The following ITGA11 variants were observed in gnomAD, a reference collection of about 807,000 sequenced individuals.
The protein encoded by ITGA11 is integrin subunit alpha 11, also known as integrin alpha-11.
A neutral mutation model predicts 141.9 loss-of-function variants in ITGA11; 97 were observed. The observed-to-expected ratio is 0.68, with a 90% CI of 0.58 to 0.81. The LOEUF (loss-of-function observed/expected upper bound fraction) is 0.81. Among genes scored for constraint, ITGA11 ranks in the 30% least tolerant of loss-of-function variants. The pLI is 0.00. For missense variants in ITGA11, 1,387 were observed against 1,559.2 expected, an observed-to-expected ratio of 0.89 and a Z score of 1.86; for synonymous variants, 658 against 624.6, an observed-to-expected ratio of 1.05 and a Z score of -0.80.
intron 1 of ITGA11, among the ~76,000 whole-genome samples, chr15:68,411,737 A>C (rs1014838842): frequency 2.0e-5 from 3 of 152,172 alleles, no homozygotes; most frequent in African/African-American, 7.2e-5. Context: ...CCTCTAAAAG[A>C]GGAGAGTATA....
rs199936849 is a variant in ITGA11 at position 68,313,738 on chromosome 15, C to T, written c.2882+41G>A. On this transcript the variant is annotated intron_variant, in intron 23 of 29. Transcript: ENST00000315757. The stretch of plus-strand genomic sequence containing the variant: ...CCTTAGGCCTCCCTCCTCCCATTCC[C>T]CATGCCTTCCCTCTCCTGGGGCCCC... 1.4e-3 allele frequency: 2,115 copies of T among 1,518,216 alleles called. 1 individual carries two copies. Among genetic ancestry groups the T allele is most frequent in the Non-Finnish European group, 1.8e-3 (2,017 of 1,098,040 alleles). 94.0% of individuals were successfully genotyped at this position (1,518,216 alleles called of 1,614,324 possible).
At position 68,420,091 on chromosome 15, in the gene ITGA11, TC is replaced by T. The variant is rs551112494; in HGVS notation, c.52+11923del. Among the ~76,000 whole-genome samples the T allele has an allele frequency of 4.6e-5, 7 of 152,228 alleles. No individual in the cohort carries two copies. The East Asian group carries it at 1.4e-3, about 29-fold the overall frequency. On this transcript the variant is annotated intron_variant, in intron 1 of 29. Transcript: ENST00000315757. ...CCAGGGATTGGACTGTAATCTGGGG[TC>T]TATGTTCAGCTCCCACCATCTTTTC...
intron 10 of ITGA11, chr15:68,340,909 C>T (rs1229319104): frequency 6.6e-6 from 1 of 152,256 alleles, no homozygotes; most frequent in African/African-American, 2.4e-5. Context: ...TCTGGGTTAC[C>T]TTGGTGATTA....
intron 26 of ITGA11, among the ~76,000 whole-genome samples, chr15:68,309,246 A>G (rs544043981): frequency 2.0e-5 from 3 of 152,350 alleles, no homozygotes; most frequent in African/African-American, 7.2e-5. Context: ...CGGAATGCTC[A>G]GAACATTTTG....
At chr15:68,387,919 G>A (rs7176173) in intron 2 of ITGA11, among the ~76,000 whole-genome samples, 109,161 of 151,864 alleles carry the variant, frequency 0.72, 40,764 homozygotes, top group East Asian at 0.89. Context: ...TCTGCAGTCT[G>A]TCGTTCATCC....
chr15:68,383,105 A>G (rs1295940393), intron 2 of ITGA11, among the ~76,000 whole-genome samples: 5 of 152,074 alleles, frequency 3.3e-5, no homozygotes, highest in African/African-American at 1.2e-4. Flanking sequence ...CTCCACCTCT[A>G]CTAAAAATAC....
intron 1 of ITGA11, among the ~76,000 whole-genome samples, chr15:68,409,997 C>T (rs1167473324): frequency 6.6e-6 from 1 of 152,228 alleles, no homozygotes; most frequent in South Asian, 2.1e-4. Context: ...TCCCCTCCTA[C>T]ACCTCTTCTT....
At chr15:68,389,608 C>T (rs1228862749) in intron 2 of ITGA11, among the ~76,000 whole-genome samples, 1 of 152,200 alleles carries the variant, frequency 6.6e-6, no homozygotes, top group Non-Finnish European at 1.5e-5. Flanking sequence ...AATCTACTTC[C>T]CCTACAAGTT....
Position 68,328,041 on chromosome 15 carries a change from G to T in ITGA11, c.2068+55C>A. The T allele has an allele frequency of 6.5e-7, 1 of 1,527,118 alleles. No individual in the cohort carries two copies. The highest frequency in any genetic ancestry group is 8.9e-7 in the Non-Finnish European group (1 of 1,128,102). The allele number at this position is 1,527,118 out of a possible 1,614,324, so 94.6% of individuals were successfully genotyped here. ...AAGCCCAGGCTTTGAAATAGAGCAAGGTGCAGGGGGAGACTGGAGTCTGGG... is the reference window on the plus strand; with the variant it reads ...AAGCCCAGGCTTTGAAATAGAGCAATGTGCAGGGGGAGACTGGAGTCTGGG... On this transcript the variant is annotated intron_variant, in intron 16 of 29. Coordinates refer to ENST00000315757, the MANE Select transcript of ITGA11 (RefSeq NM_001004439.2). The surrounding 1 kb of genome is among the most constrained non-coding windows in gnomAD (Gnocchi z 4.8).
chr15:68,315,518 A>AAC, intron 22 of ITGA11, 133 bp downstream of exon 22: 1 of 785,408 alleles, frequency 1.3e-6, no homozygotes, highest in South Asian at 1.6e-5. Flanking sequence ...CACTGCCTCC[A>AAC]CTCAAGGTTG....
intron 2 of ITGA11, among the ~76,000 whole-genome samples, chr15:68,389,264 C>T (rs535321516): frequency 1.2e-4 from 18 of 152,256 alleles, no homozygotes; most frequent in Non-Finnish European, 2.5e-4. Context: ...CTTTGGGATT[C>T]ATCTGAGATC....
intron 3 of ITGA11, among the ~76,000 whole-genome samples, chr15:68,366,819 T>C (rs1448554724): frequency 6.6e-6 from 1 of 152,142 alleles, no homozygotes; most frequent in African/African-American, 2.4e-5. Context: ...CTGCCCCTCA[T>C]TGAAAACCCT....
intron 1 of ITGA11, among the ~76,000 whole-genome samples, chr15:68,405,727 GGA>G (rs79675693): frequency 0.2 from 29,547 of 151,522 alleles, 3,206 homozygotes; most frequent in East Asian, 0.42. Flanking sequence ...ATGTCACAGA[GGA>G]GAGAGAGAGA....
intron 28 of ITGA11, among the ~76,000 whole-genome samples, chr15:68,306,253 G>C (rs868498306): frequency 2.0e-5 from 3 of 151,164 alleles, no homozygotes; most frequent in South Asian, 2.1e-4. Flanking sequence ...GGGGTTGAGT[G>C]GGGGTGGAAG....
At chr15:68,429,051 TC>T (rs1897210216) in intron 1 of ITGA11, among the ~76,000 whole-genome samples, 2 of 152,184 alleles carry the variant, frequency 1.3e-5, no homozygotes, top group Admixed American at 1.3e-4. Context: ...TGTCCTTAGA[TC>T]CTGAATAGTC....
chr15:68,320,021 C>T (rs1317424466), intron 20 of ITGA11, among the ~76,000 whole-genome samples, 164 bp downstream of exon 20: 1 of 152,046 alleles, frequency 6.6e-6, no homozygotes, highest in African/African-American at 2.4e-5. Flanking sequence ...AACTCCTGGG[C>T]TCAAGTGATC....
intron 2 of ITGA11, among the ~76,000 whole-genome samples, chr15:68,370,480 C>T (rs1478804239): frequency 6.6e-6 from 1 of 152,188 alleles, no homozygotes; most frequent in Non-Finnish European, 1.5e-5. Flanking sequence ...GCAGCCCCAT[C>T]ACGGGGGCCC....
At chr15:68,341,015 C>T (rs1306858363) in intron 10 of ITGA11, among the ~76,000 whole-genome samples, 1 of 152,164 alleles carries the variant, frequency 6.6e-6, no homozygotes, top group Non-Finnish European at 1.5e-5. Context: ...TCCCTGAGCC[C>T]GGCTGCCTGG....
intron 2 of ITGA11, among the ~76,000 whole-genome samples, chr15:68,382,055 G>A (rs1219122573): frequency 2.6e-5 from 4 of 152,290 alleles, no homozygotes; most frequent in South Asian, 4.2e-4. Context: ...GGACTGCTTC[G>A]AAGTCTTTTC....
Sources: allele counts gnomAD v4.1 joint callset (sites outside exome capture counted in the v4.1 genomes callset), GRCh38; gene constraint gnomAD v4.1.1; non-coding constraint Gnocchi (gnomAD v3.1); transcripts MANE v1.5; gene names NCBI Gene and HGNC (gene_info 2026-07-23, HGNC 2026-07-21).